Variants in NCAM2 observed in about 807,000 individuals in gnomAD.
The protein encoded by NCAM2 is N-CAM-2.
In NCAM2, 30 loss-of-function variants were observed where a neutral mutation model predicts 98.1. That is an observed-to-expected ratio of 0.31 (90% confidence interval 0.23 to 0.41). NCAM2 has a LOEUF of 0.41. Ranked by LOEUF, NCAM2 falls within the 10% of genes least tolerant of loss-of-function variation. The probability of loss-of-function intolerance (pLI) is 1.00; values close to 1 mark genes in which losing one functional copy is unlikely to be tolerated. For missense variants in NCAM2, 867 were observed against 1,005.8 expected (o/e 0.86, Z 1.87); for synonymous variants, 368 against 342.4 (o/e 1.07, Z -0.83).
At chr21:21,196,085 C>A (rs1178331606) in intron 1 of NCAM2, among the ~76,000 whole-genome samples, 1 of 152,124 alleles carries the variant, frequency 6.6e-6, no homozygotes, top group East Asian at 1.9e-4. Flanking sequence ...TAAATTCTAA[C>A]CAAAAACTCT....
intron 11 of NCAM2, among the ~76,000 whole-genome samples, chr21:21,419,932 T>C (rs2776103): frequency 0.28 from 41,702 of 151,550 alleles, 6,172 homozygotes; most frequent in East Asian, 0.46. Flanking sequence ...TGAGGAATCG[T>C]CACACTGACT....
At chr21:21,240,031 A>G (rs2071002574) in intron 1 of NCAM2, among the ~76,000 whole-genome samples, 7 of 152,098 alleles carry the variant, frequency 4.6e-5, no homozygotes. Flanking sequence ...CATACACAAT[A>G]TGACACCATC....
intron 16 of NCAM2, among the ~76,000 whole-genome samples, chr21:21,527,497 T>G (rs568084623): frequency 6.6e-6 from 1 of 152,298 alleles, no homozygotes; most frequent in South Asian, 2.1e-4. Context: ...AAATAATTCT[T>G]AAACTCTATA....
At chr21:21,473,654 G>A (rs773289473) in intron 14 of NCAM2, among the ~76,000 whole-genome samples, 26 of 151,664 alleles carry the variant, frequency 1.7e-4, no homozygotes, top group Non-Finnish European at 3.5e-4. Context: ...TAATTGTTCA[G>A]TTTATATTTA....
chr21:21,447,606 C>A (rs1231468228), intron 12 of NCAM2, among the ~76,000 whole-genome samples: 6 of 151,990 alleles, frequency 3.9e-5, no homozygotes, highest in African/African-American at 7.2e-5. Flanking sequence ...AGTGAACAGG[C>A]AACCTACAGA....
At chr21:21,505,286 A>T (rs1987912612) in intron 15 of NCAM2, among the ~76,000 whole-genome samples, 1 of 152,032 alleles carries the variant, frequency 6.6e-6, no homozygotes, top group African/African-American at 2.4e-5. Context: ...AGGAAAAGAG[A>T]GTTCTCTCTG....
chr21:21,246,356 T>C (rs2071271139), intron 1 of NCAM2, among the ~76,000 whole-genome samples: 1 of 152,102 alleles, frequency 6.6e-6, no homozygotes, highest in African/African-American at 2.4e-5. Flanking sequence ...ATATTTGTTG[T>C]TTTAGGTGAT....
intron 6 of NCAM2, among the ~76,000 whole-genome samples, chr21:21,333,441 A>G (rs1288285409): frequency 6.6e-6 from 1 of 152,166 alleles, no homozygotes; most frequent in East Asian, 1.9e-4. Context: ...TTGTAAGTCC[A>G]CTAATGGAAT....
chr21:21,494,210 T>C (rs1214918951), intron 15 of NCAM2, among the ~76,000 whole-genome samples: 3 of 151,906 alleles, frequency 2.0e-5, no homozygotes, highest in African/African-American at 7.2e-5. Flanking sequence ...TTGGAGAAAA[T>C]TAAACAGTTT....
chr21:21,274,615 T>A (rs572346168), intron 1 of NCAM2, among the ~76,000 whole-genome samples: 1 of 152,336 alleles, frequency 6.6e-6, no homozygotes, highest in African/African-American at 2.4e-5. Flanking sequence ...TTGTATTCAT[T>A]TGCTATAATC....
chr21:21,312,292 A>C (rs2074079643), intron 5 of NCAM2, among the ~76,000 whole-genome samples: 1 of 151,654 alleles, frequency 6.6e-6, no homozygotes, highest in African/African-American at 2.4e-5. Context: ...GTTAAGTTGG[A>C]TAAATTAATT....
chr21:21,359,220 C>T (rs1489125264), intron 8 of NCAM2, among the ~76,000 whole-genome samples: 2 of 151,816 alleles, frequency 1.3e-5, no homozygotes, highest in Non-Finnish European at 2.9e-5. Flanking sequence ...GCCCCAAGAG[C>T]AATAATATAA....
chr21:21,461,396 G>A (rs9985113), intron 12 of NCAM2, among the ~76,000 whole-genome samples: 66,669 of 151,414 alleles, frequency 0.44, 16,063 homozygotes, highest in East Asian at 0.95. Flanking sequence ...AACTCCAATT[G>A]TTAAATTGTT....
intron 8 of NCAM2, among the ~76,000 whole-genome samples, chr21:21,357,941 C>T (rs1247441373): frequency 6.6e-6 from 1 of 152,240 alleles, no homozygotes; most frequent in African/African-American, 2.4e-5. Context: ...GTCATACATA[C>T]AGCCGAACTA....
At chr21:21,075,909 G>C (rs1448892301) in intron 1 of NCAM2, among the ~76,000 whole-genome samples, 2 of 152,084 alleles carry the variant, frequency 1.3e-5, no homozygotes, top group African/African-American at 4.8e-5. Flanking sequence ...CTGAGGTCAG[G>C]AGTTCAAGAA....
chr21:21,198,426 A>G (rs1238376624), intron 1 of NCAM2, among the ~76,000 whole-genome samples: 1 of 152,206 alleles, frequency 6.6e-6, no homozygotes, highest in Non-Finnish European at 1.5e-5. Flanking sequence ...AGAAAATGAT[A>G]TAAAAAATGC....
intron 5 of NCAM2, among the ~76,000 whole-genome samples, chr21:21,295,474 C>G (rs1443706571): frequency 1.3e-5 from 2 of 151,852 alleles, no homozygotes; most frequent in Non-Finnish European, 2.9e-5. Context: ...ATGGCGCCTC[C>G]AAAGGAAGGA....
rs1326798587 is a variant in NCAM2 at position 21,539,235 on chromosome 21, A to G, written c.*1278A>G. ...AGCTATGCAAGCTCCCAGAGGTAAT[A>G]GAGTGACACATGATTTAACTTATAT... On this transcript the variant is annotated 3_prime_UTR_variant, in exon 18 of 18. Transcript: ENST00000400546. 6.6e-6 allele frequency: 1 copy of G among 152,194 alleles called. No homozygotes were observed. The highest frequency in any genetic ancestry group is 2.4e-5 in the African/African-American group (1 of 41,466). 9.4% of individuals were successfully genotyped at this position (152,194 alleles called of 1,614,324 possible).
intron 8 of NCAM2, among the ~76,000 whole-genome samples, chr21:21,369,327 A>G (rs371401723): frequency 1.3e-5 from 2 of 151,772 alleles, no homozygotes; most frequent in African/African-American, 4.8e-5. Flanking sequence ...TGGCCAAATA[A>G]TATTCCTTTG....
Sources: gnomAD v4.1 joint callset for allele counts (sites outside exome capture counted in the v4.1 genomes callset) on GRCh38, gnomAD v4.1.1 for gene constraint, MANE v1.5 for transcripts, NCBI Gene and HGNC (gene_info 2026-07-23, HGNC 2026-07-21) for gene names.